C4orf50: variants seen among roughly 807,000 people sequenced by gnomAD.
C4orf50 encodes the protein chromosome 4 open reading frame 50.
Under a neutral mutation model 77.2 loss-of-function variants are expected in C4orf50, and 80 were observed. The ratio of observed to expected loss-of-function variants is 1.04; its 90% CI spans 0.87 to 1.25. C4orf50 has a LOEUF of 1.25. C4orf50 is among the 50% of genes most tolerant of loss of function. The pLI is 0.00. For missense variants in C4orf50, 1,257 were observed against 1,152.9 expected, an observed-to-expected ratio of 1.09 and a Z score of -1.31; for synonymous variants, 532 against 465.3, an observed-to-expected ratio of 1.14 and a Z score of -1.84.
At chr4:5,941,810 C>G (rs1041905626) in intron 7 of C4orf50, among the ~76,000 whole-genome samples, 1 of 152,090 alleles carries the variant, frequency 6.6e-6, no homozygotes, top group African/African-American at 2.4e-5. Context: ...TGGCCTGGCG[C>G]CAGGCCAAGG....
intron 33 of C4orf50, 103 bp from the exon 12 acceptor site, chr4:5,959,729 C>T (rs1344714538): frequency 2.8e-5 from 39 of 1,395,450 alleles, no homozygotes; most frequent in South Asian, 8.8e-5. Flanking sequence ...TGATAGCTAA[C>T]GGTTTCGGGG....
At chr4:5,983,820 A>C (rs1720726198) in intron 28 of C4orf50, among the ~76,000 whole-genome samples, 1 of 152,222 alleles carries the variant, frequency 6.6e-6, no homozygotes, top group Non-Finnish European at 1.5e-5. Flanking sequence ...TTGTGGGACA[A>C]AGTAACAGGG....
intron 26 of C4orf50, 90 bp downstream of exon 4, chr4:5,994,257 G>A (rs989441925): frequency 3.3e-5 from 13 of 397,980 alleles, no homozygotes; most frequent in Admixed American, 4.4e-5. Flanking sequence ...CTCTCCCTGC[G>A]TCATCGGGAC....
At position 5,944,579 on chromosome 4, in the gene C4orf50, C is replaced by T. The variant is rs529901750; in HGVS notation, c.*2474+12322G>A. On this transcript the variant is annotated intron_variant, in intron 7 of 7. Coordinates refer to the C4orf50 transcript ENST00000324058. ...TCACAAGCCACACCTTGGTTCATAC[C>T]TCGGAGAACCTTCTGGAAGCTCCAG... Among the ~76,000 whole-genome samples the T allele has an allele frequency of 2.6e-5, 4 of 152,318 alleles. No individual in the cohort carries two copies. The East Asian group carries it at 7.7e-4, about 29-fold the overall frequency.
chr4:6,013,839 G>A (rs1173352725), intron 23 of C4orf50, among the ~76,000 whole-genome samples: 3 of 152,164 alleles, frequency 2.0e-5, no homozygotes, highest in Non-Finnish European at 4.4e-5. Flanking sequence ...ACTAGCTCAG[G>A]AAGACTGATT....
intron 23 of C4orf50, among the ~76,000 whole-genome samples, chr4:6,014,486 A>T (rs1722609162): frequency 1.3e-5 from 2 of 152,202 alleles, no homozygotes; most frequent in Admixed American, 1.3e-4. Context: ...CATTTCTAGC[A>T]AAGCTGTTAT....
intron 7 of C4orf50, among the ~76,000 whole-genome samples, chr4:5,938,266 C>T (rs1718118303): frequency 6.6e-6 from 1 of 152,074 alleles, no homozygotes; most frequent in Non-Finnish European, 1.5e-5. Flanking sequence ...ATAATAAGAA[C>T]AAAATACAGA....
At chr4:5,988,145 T>C (rs1396301396) in intron 28 of C4orf50, among the ~76,000 whole-genome samples, 3 of 152,072 alleles carry the variant, frequency 2.0e-5, no homozygotes, top group Admixed American at 1.3e-4. Context: ...CAGGTGTGAG[T>C]CCCTGCTCCA....
At position 6,008,969 on chromosome 4, in the gene C4orf50, C is replaced by A. The variant is rs577295283; in HGVS notation, c.427-437G>T. On this transcript the variant is annotated intron_variant, in intron 24 of 33. Transcript: ENST00000531445. The surrounding 1 kb of genome is among the most constrained non-coding windows in gnomAD (Gnocchi z 6.0). ...GATCCCCACTTCCTACCTACAGGGT[C>A]AATGCTTGGCCCACCCAGGGTCAGC... Among the ~76,000 whole-genome samples the A allele has an allele frequency of 2.0e-5, 3 of 152,326 alleles. No individual in the cohort carries two copies. The South Asian group carries it at 6.2e-4, about 32-fold the overall frequency.
At chr4:5,906,926 TG>T (rs1389416902) in intron 7 of C4orf50, among the ~76,000 whole-genome samples, 1 of 152,232 alleles carries the variant, frequency 6.6e-6, no homozygotes, top group African/African-American at 2.4e-5. Context: ...CAGAATCACT[TG>T]GAGAACTTTA....
At chr4:5,989,354 GTGT>G in exon 28 of C4orf50, 1 of 1,536,040 alleles carries the variant, frequency 6.5e-7, no homozygotes, top group Non-Finnish European at 8.7e-7. Flanking sequence ...CAATGAGGCA[GTGT>G]CCCTGGGTTA....
chr4:5,999,889 G>T (rs1721754489), intron 25 of C4orf50, among the ~76,000 whole-genome samples: 1 of 152,168 alleles, frequency 6.6e-6, no homozygotes, highest in Non-Finnish European at 1.5e-5. Flanking sequence ...GAAGCTTCCA[G>T]ACACAGGCAA....
intron 25 of C4orf50, among the ~76,000 whole-genome samples, chr4:6,004,578 G>C (rs1423302997): frequency 2.3e-3 from 24 of 10,286 alleles, no homozygotes; most frequent in South Asian, 4.1e-3. Context: ...CATGGTGATG[G>C]TGATGTTGGT....
Position 6,011,947 on chromosome 4 carries a change from T to A in C4orf50, c.309A>T (p.Ser103=), listed in dbSNP as rs1457430607. The A allele has an allele frequency of 2.5e-6, 1 of 398,958 alleles. No individual in the cohort carries two copies. The highest frequency in any genetic ancestry group is 2.1e-5 in the African/African-American group (1 of 48,650). The allele number at this position is 398,958 out of a possible 1,614,324, so 24.7% of individuals were successfully genotyped here. The change falls in exon 24 of 34, where the codon TCA becomes TCT. Residue 103 remains serine, a synonymous_variant. Transcript: ENST00000531445. This position sits in a 1 kb window ranked among gnomAD's most constrained non-coding sequence, Gnocchi z 4.2. ...CCACCTTCCGGAGGAGTTTCCTTTCTGACAGCTCCAGCTCCTGAATTCTGC... is the reference window on the plus strand; with the variant it reads ...CCACCTTCCGGAGGAGTTTCCTTTCAGACAGCTCCAGCTCCTGAATTCTGC...
intron 32 of C4orf50, 31 bp from the exon 11 acceptor site, chr4:5,965,176 A>C: frequency 6.2e-7 from 1 of 1,605,052 alleles, no homozygotes; most frequent in East Asian, 2.2e-5. Flanking sequence ...TCAAGCCTCC[A>C]CCCAGGAACC....
chr4:5,919,493 G>A lies in C4orf50; in HGVS notation c.*2475-21305C>T, dbSNP rs1406003909. On this transcript the variant is annotated intron_variant, in intron 7 of 7. Coordinates refer to the C4orf50 transcript ENST00000324058. The surrounding 1 kb of genome is among the most constrained non-coding windows in gnomAD (Gnocchi z 6.5). The stretch of plus-strand genomic sequence containing the variant: ...ATGCCTCAGCAGCCCCACAGAGACT[G>A]TGCAGGAGGCCATGTCGAGGACGTC... Among the ~76,000 whole-genome samples the A allele has an allele frequency of 3.3e-5, 5 of 152,138 alleles. No individual in the cohort carries two copies. Among genetic ancestry groups the A allele is most frequent in the African/African-American group, 1.2e-4 (5 of 41,444 alleles).
At chr4:5,956,204 G>A (rs1396756519), downstream of C4orf50, among the ~76,000 whole-genome samples, 3 of 152,132 alleles carry the variant, frequency 2.0e-5, no homozygotes, top group Non-Finnish European at 4.4e-5. Context: ...CAGAAAGCCA[G>A]GTATCTCTAC....
At chr4:5,943,145 A>G (rs1342513307) in intron 7 of C4orf50, among the ~76,000 whole-genome samples, 1 of 152,228 alleles carries the variant, frequency 6.6e-6, no homozygotes, top group Non-Finnish European at 1.5e-5. Flanking sequence ...TCGATGCTCA[A>G]TAAACATTTG....
At chr4:6,016,248 A>G (rs1286477965) in intron 23 of C4orf50, among the ~76,000 whole-genome samples, 1 of 152,108 alleles carries the variant, frequency 6.6e-6, no homozygotes, top group East Asian at 1.9e-4. Context: ...CAATTAGCCT[A>G]TGGTCAAATT....
Sources: gnomAD v4.1 joint callset for allele counts (sites outside exome capture counted in the v4.1 genomes callset) on GRCh38, gnomAD v4.1.1 for gene constraint, Gnocchi (gnomAD v3.1) non-coding constraint, MANE v1.5 for transcripts, NCBI Gene and HGNC (gene_info 2026-07-23, HGNC 2026-07-21) for gene names.